FOXP2: variants seen among roughly 807,000 people sequenced by gnomAD.
FOXP2 encodes the protein forkhead box protein P2.
FOXP2 carries 12 observed loss-of-function variants against 115.8 expected under a neutral mutation model. The ratio of observed to expected loss-of-function variants is 0.10; its 90% CI spans 0.07 to 0.17. The LOEUF (loss-of-function observed/expected upper bound fraction) is 0.17, where lower values mean the gene tolerates loss of function less well. FOXP2 is among the 10% of genes least tolerant of loss of function. The pLI is 1.00. For missense variants in FOXP2, 629 were observed against 843.5 expected (o/e 0.75, Z 3.15); for synonymous variants, 328 against 297.7 (o/e 1.10, Z -1.05).
intron 2 of FOXP2, among the ~76,000 whole-genome samples, chr7:114,305,682 C>A (rs927843932): frequency 9.9e-5 from 15 of 152,154 alleles, no homozygotes; most frequent in South Asian, 4.1e-4. Flanking sequence ...CCCACTAGCT[C>A]CTTGGATGCT....
chr7:114,265,926 G>A (rs543065983), intron 1 of FOXP2, among the ~76,000 whole-genome samples: 1 of 152,210 alleles, frequency 6.6e-6, no homozygotes, highest in East Asian at 1.9e-4. Context: ...AGTGTCCTGA[G>A]GTTGTGCAGG....
At chr7:114,243,231 A>G (rs1328313229) in intron 1 of FOXP2, among the ~76,000 whole-genome samples, 1 of 150,396 alleles carries the variant, frequency 6.6e-6, no homozygotes, top group African/African-American at 2.5e-5. Context: ...AGCACAACAC[A>G]CTGAAAATAA....
At chr7:114,132,576 T>TGAGAGAGAGAGAGAGA (rs1178941314) in intron 1 of FOXP2, among the ~76,000 whole-genome samples, 1 of 67,204 alleles carries the variant, frequency 1.5e-5, no homozygotes, top group African/African-American at 5.7e-5. Flanking sequence ...TGTGTGTGTG[T>TGAGAGAGAGAGAGAGA]GTGTGTGAGA....
intron 2 of FOXP2, among the ~76,000 whole-genome samples, chr7:114,533,081 G>A (rs767074987): frequency 1.4e-4 from 22 of 151,800 alleles, no homozygotes; most frequent in Admixed American, 5.9e-4. Flanking sequence ...AAATATTTAC[G>A]TTAATTTGTA....
At chr7:114,367,700 C>G (rs553760588) in intron 2 of FOXP2, among the ~76,000 whole-genome samples, 3 of 152,246 alleles carry the variant, frequency 2.0e-5, no homozygotes, top group East Asian at 3.9e-4. Flanking sequence ...CTACTGTTCC[C>G]TGATCCTCAT....
chr7:114,109,395 A>G (rs1359366119), intron 1 of FOXP2, among the ~76,000 whole-genome samples: 1 of 152,060 alleles, frequency 6.6e-6, no homozygotes, highest in African/African-American at 2.4e-5. Context: ...GTATAAATCA[A>G]AATAACAACA....
chr7:114,139,367 G>A (rs550526815), intron 1 of FOXP2, among the ~76,000 whole-genome samples: 2 of 152,028 alleles, frequency 1.3e-5, no homozygotes, highest in South Asian at 4.2e-4. Context: ...CCTCTTACCA[G>A]GTTCAACTTC....
chr7:114,098,990 C>T (rs1048840519), intron 1 of FOXP2, among the ~76,000 whole-genome samples: 1 of 152,006 alleles, frequency 6.6e-6, no homozygotes, highest in Non-Finnish European at 1.5e-5. Flanking sequence ...CAAAAATTAG[C>T]CGGGCATGGT....
At chr7:114,367,660 C>A (rs746331830) in intron 2 of FOXP2, among the ~76,000 whole-genome samples, 5 of 152,086 alleles carry the variant, frequency 3.3e-5, no homozygotes, top group Non-Finnish European at 7.4e-5. Flanking sequence ...CCCCTGAACC[C>A]TAAGTCTAAA....
intron 16 of FOXP2, among the ~76,000 whole-genome samples, chr7:114,679,539 A>G (rs1384730200): frequency 6.6e-6 from 1 of 152,114 alleles, no homozygotes; most frequent in Non-Finnish European, 1.5e-5. Context: ...TTAAATTTAA[A>G]CATCATGAAA....
chr7:114,334,924 T>G (rs1797806300), intron 2 of FOXP2, among the ~76,000 whole-genome samples: 1 of 127,050 alleles, frequency 7.9e-6, no homozygotes, highest in African/African-American at 2.9e-5. Flanking sequence ...TTTATATATA[T>G]AGAAATCTAT....
chr7:114,543,012 C>T (rs1218430117), intron 3 of FOXP2, among the ~76,000 whole-genome samples: 1 of 151,766 alleles, frequency 6.6e-6, no homozygotes, highest in Non-Finnish European at 1.5e-5. Flanking sequence ...GAACTCCTGA[C>T]CTTAAGTGAT....
chr7:114,235,135 A>T (rs1372832015), intron 1 of FOXP2, among the ~76,000 whole-genome samples: 1 of 151,164 alleles, frequency 6.6e-6, no homozygotes, highest in African/African-American at 2.4e-5. Context: ...TCATCACTCC[A>T]ATGTTTTTTT....
chr7:114,398,195 A>G (rs1219807950), intron 2 of FOXP2, among the ~76,000 whole-genome samples: 2 of 152,200 alleles, frequency 1.3e-5, no homozygotes, highest in African/African-American at 4.8e-5. Context: ...TTTGCAGTAA[A>G]AAATTACGTT....
At chr7:114,260,611 A>C (rs188222869) in intron 1 of FOXP2, among the ~76,000 whole-genome samples, 5 of 152,316 alleles carry the variant, frequency 3.3e-5, no homozygotes, top group Admixed American at 6.5e-5. Flanking sequence ...TAGAATATTG[A>C]AACAAACATT....
At chr7:114,450,779 G>A (rs531957251) in intron 2 of FOXP2, among the ~76,000 whole-genome samples, 1 of 151,928 alleles carries the variant, frequency 6.6e-6, no homozygotes, top group Non-Finnish European at 1.5e-5. Context: ...AACAACCACT[G>A]CTCCTTTTAA....
At chr7:114,585,203 T>A (rs1344223314) in intron 3 of FOXP2, among the ~76,000 whole-genome samples, 1 of 152,218 alleles carries the variant, frequency 6.6e-6, no homozygotes, top group Non-Finnish European at 1.5e-5. Context: ...AGAGTTTTTG[T>A]TAAGTTTACT....
At chr7:114,094,205 G>A (rs530151375) in intron 1 of FOXP2, among the ~76,000 whole-genome samples, 27 of 152,174 alleles carry the variant, frequency 1.8e-4, no homozygotes, top group East Asian at 1.9e-4. Flanking sequence ...TTAAAGATTT[G>A]TGATTTGATG....
intron 6 of FOXP2, among the ~76,000 whole-genome samples, chr7:114,641,759 A>G (rs1253564392): frequency 1.3e-5 from 2 of 151,790 alleles, no homozygotes; most frequent in Admixed American, 6.6e-5. Flanking sequence ...TAAAAGTTGA[A>G]TAGTTCAATT....
Sources: allele counts gnomAD v4.1 joint callset (sites outside exome capture counted in the v4.1 genomes callset), GRCh38; gene constraint gnomAD v4.1.1; transcripts MANE v1.5; gene names NCBI Gene and HGNC (gene_info 2026-07-23, HGNC 2026-07-21).